Variants in RAB28 observed in about 807,000 individuals in gnomAD.
RAB28 encodes the protein RAB28, member RAS oncogene family.
RAB28 carries 24 observed loss-of-function variants against 31.7 expected under a neutral mutation model. The ratio of observed to expected loss-of-function variants is 0.76; its 90% CI spans 0.55 to 1.06. The LOEUF (loss-of-function observed/expected upper bound fraction) is 1.06. Among genes scored for constraint, RAB28 ranks in the 50% least tolerant of loss-of-function variants. The pLI is 0.00. For synonymous variants in RAB28, 100 were observed against 90.4 expected, an observed-to-expected ratio of 1.11 and a Z score of -0.60; for missense variants, 254 against 258.5, an observed-to-expected ratio of 0.98 and a Z score of 0.12.
At chr4:13,478,869 A>G (rs1716483746) in intron 2 of RAB28, among the ~76,000 whole-genome samples, 1 of 151,632 alleles carries the variant, frequency 6.6e-6, no homozygotes, top group African/African-American at 2.4e-5. Flanking sequence ...GAAGTGAAAC[A>G]TCTTGAATGC....
At chr4:13,476,222 C>T (rs957906430) in intron 2 of RAB28, among the ~76,000 whole-genome samples, 1 of 151,498 alleles carries the variant, frequency 6.6e-6, no homozygotes, top group Admixed American at 6.6e-5. Flanking sequence ...ATCTTCATTA[C>T]ATGTTTTCAA....
chr4:13,480,721 T>G (rs114805911), intron 1 of RAB28, among the ~76,000 whole-genome samples: 3 of 151,936 alleles, frequency 2.0e-5, no homozygotes, highest in Non-Finnish European at 1.5e-5. Flanking sequence ...TCGAAGATAA[T>G]TGGCCAAGTA....
Position 13,437,957 on chromosome 4 carries a change from A to C in RAB28, c.391+22742T>G, listed in dbSNP as rs1009439487. On this transcript the variant is annotated intron_variant, in intron 4 of 6. Transcript: ENST00000330852. Reference sequence around the variant, plus strand: ...ATGGAATCAACCTAGGCGCACATCAAAAGTGGACTGGATAAACAAAATGTG... The same window carrying C: ...ATGGAATCAACCTAGGCGCACATCACAAGTGGACTGGATAAACAAAATGTG... Among the ~76,000 whole-genome samples, 10 of 152,312 alleles carry C rather than the reference A, an allele frequency of 6.6e-5. No homozygotes were observed. In the East Asian group the frequency reaches 1.5e-3, roughly 24 times the overall value.
intron 4 of RAB28, among the ~76,000 whole-genome samples, chr4:13,456,751 C>T (rs7699822): frequency 0.09 from 13,697 of 151,402 alleles, 1,238 homozygotes; most frequent in African/African-American, 0.23. Flanking sequence ...GAATTATATA[C>T]TGAAATAGTT....
chr4:13,431,392 G>A (rs1370660524), intron 4 of RAB28, among the ~76,000 whole-genome samples: 1 of 152,126 alleles, frequency 6.6e-6, no homozygotes, highest in Non-Finnish European at 1.5e-5. Flanking sequence ...CTTGGTGCAC[G>A]CCCTCACGAT....
chr4:13,452,141 T>C (rs1715004307), intron 4 of RAB28, among the ~76,000 whole-genome samples: 1 of 152,006 alleles, frequency 6.6e-6, no homozygotes, highest in South Asian at 2.1e-4. Flanking sequence ...CATCTTCTTT[T>C]TCATTTCTGA....
intron 4 of RAB28, among the ~76,000 whole-genome samples, chr4:13,407,638 G>A (rs898523030): frequency 3.3e-5 from 5 of 152,194 alleles, no homozygotes; most frequent in Non-Finnish European, 5.9e-5. Context: ...TCCTATGAAT[G>A]AGCATGGAAT....
intron 4 of RAB28, among the ~76,000 whole-genome samples, chr4:13,454,173 T>C (rs1283685304): frequency 6.6e-6 from 1 of 152,138 alleles, no homozygotes; most frequent in Non-Finnish European, 1.5e-5. Context: ...TCTTCAGCTC[T>C]AAGATTTCTG....
rs141420149 is a variant in RAB28 at position 13,462,713 on chromosome 4, C to G, written c.262-1885G>C. Among the ~76,000 whole-genome samples, 123 of 152,246 alleles carry G rather than the reference C, an allele frequency of 8.1e-4. 1 individual carries two copies. Among genetic ancestry groups the G allele is most frequent in the African/African-American group, 2.9e-3 (119 of 41,566 alleles). ...TAAGATCCCTTTCGCTTTAAATATT[C>G]TATAATATACAAAATCACTCGTCTG... On this transcript the variant is annotated intron_variant, in intron 3 of 6. Coordinates refer to ENST00000330852, the MANE Select transcript of RAB28 (RefSeq NM_001017979.3).
At chr4:13,389,500 T>C (rs1005755127) in intron 4 of RAB28, among the ~76,000 whole-genome samples, 12 of 152,120 alleles carry the variant, frequency 7.9e-5, no homozygotes, top group African/African-American at 2.4e-4. Flanking sequence ...GCTACAGTTA[T>C]TGATAATCCA....
At position 13,484,001 on chromosome 4, in the gene RAB28, C is replaced by G. The variant is rs545370290; in HGVS notation, c.75+75G>C. The G allele has an allele frequency of 1.3e-5, 18 of 1,401,888 alleles. No individual in the cohort carries two copies. In the South Asian group the frequency reaches 1.9e-4, roughly 15 times the overall value. 86.8% of individuals were successfully genotyped at this position (1,401,888 alleles called of 1,614,324 possible). A position where few individuals can be genotyped will look rare whatever the true frequency, so the allele number is the denominator to read the frequency against. ...AGGGCTCGGGGTAACGAGGCGACGC[C>G]GGGCGGCGGGGAGGAGGCCGGGGAC... is the stretch of plus-strand genomic sequence containing the variant. On this transcript the variant is annotated intron_variant, in intron 1 of 6. Coordinates refer to ENST00000330852, the MANE Select transcript of RAB28 (RefSeq NM_001017979.3).
chr4:13,376,549 G>T lies in RAB28; in HGVS notation c.569C>A (p.Ser190Ter). The T allele has an allele frequency of 6.3e-7, 1 of 1,598,874 alleles. No homozygotes were observed. Among genetic ancestry groups the T allele is most frequent in the Non-Finnish European group, 8.5e-7 (1 of 1,173,628 alleles). The change falls in exon 6 of 7, where the codon TCA (serine) becomes TAA (stop). Residue 190 changes from serine to a stop codon, truncating the protein, a stop_gained. Coordinates refer to ENST00000330852, the MANE Select transcript of RAB28 (RefSeq NM_001017979.3). LOFTEE classifies it high-confidence loss of function. ...IKLNKAEIEQ[S>*]QRVVKADIVN... ...TATAAAGTTCAAGGTAATCACCTGT[G>T]ACTGTTCTATTTCTGCTTTGTTTAA...
At chr4:13,395,966 G>T (rs1729857321) in intron 4 of RAB28, among the ~76,000 whole-genome samples, 1 of 151,770 alleles carries the variant, frequency 6.6e-6, no homozygotes, top group African/African-American at 2.4e-5. Context: ...TTTTAAAAAG[G>T]GAATATATTA....
intron 4 of RAB28, among the ~76,000 whole-genome samples, chr4:13,399,423 T>A (rs929537770): frequency 1.3e-5 from 2 of 152,222 alleles, no homozygotes; most frequent in African/African-American, 4.8e-5. Flanking sequence ...TCAGTACATG[T>A]CACCTGATAA....
At chr4:13,406,809 G>A (rs1299258310) in intron 4 of RAB28, among the ~76,000 whole-genome samples, 1 of 152,194 alleles carries the variant, frequency 6.6e-6, no homozygotes, top group Non-Finnish European at 1.5e-5. Context: ...CTTTTGAGAA[G>A]TGTCTGTTTA....
chr4:13,427,810 G>C (rs1364091215), intron 4 of RAB28, among the ~76,000 whole-genome samples: 1 of 152,128 alleles, frequency 6.6e-6, no homozygotes, highest in Non-Finnish European at 1.5e-5. Flanking sequence ...AACACTTTTG[G>C]AATGGGGCTA....
chr4:13,416,434 C>T (rs538047061), intron 4 of RAB28, among the ~76,000 whole-genome samples: 3 of 152,292 alleles, frequency 2.0e-5, no homozygotes, highest in Non-Finnish European at 4.4e-5. Flanking sequence ...CGAGGGTCCG[C>T]GGCTTCATTC....
chr4:13,397,967 C>G (rs1317024848), intron 4 of RAB28, among the ~76,000 whole-genome samples: 1 of 151,984 alleles, frequency 6.6e-6, no homozygotes, highest in Non-Finnish European at 1.5e-5. Flanking sequence ...GTCACCAAAA[C>G]ACCACCAAGA....
intron 4 of RAB28, among the ~76,000 whole-genome samples, chr4:13,438,285 T>C (rs1254462166): frequency 1.3e-5 from 2 of 152,188 alleles, no homozygotes; most frequent in Admixed American, 6.5e-5. Flanking sequence ...TGAGACATAA[T>C]TCACATATCA....
Sources: allele counts gnomAD v4.1 joint callset (sites outside exome capture counted in the v4.1 genomes callset), GRCh38; gene constraint gnomAD v4.1.1; transcripts MANE v1.5; gene names NCBI Gene and HGNC (gene_info 2026-07-23, HGNC 2026-07-21).